Variants in CRB1 observed in about 807,000 individuals in gnomAD.
CRB1 encodes protein crumbs homolog 1.
CRB1 carries 83 observed loss-of-function variants against 120.0 expected under a neutral mutation model. That is an observed-to-expected ratio of 0.69 (90% CI 0.58 to 0.83). The LOEUF is 0.83. Among genes scored for constraint, CRB1 ranks in the 40% least tolerant of loss-of-function variants. The pLI, the probability that CRB1 is intolerant of heterozygous loss-of-function variation, is 0.00. For synonymous variants in CRB1, 625 were observed against 612.5 expected, an observed-to-expected ratio of 1.02 and a Z score of -0.30; for missense variants, 1,699 against 1,687.6, an observed-to-expected ratio of 1.01 and a Z score of -0.12.
Position 197,328,555 on chromosome 1 carries a change from C to T in CRB1, c.204C>T (p.Asp68=). The T allele has an allele frequency of 1.2e-6, 2 of 1,614,198 alleles. No individual in the cohort carries two copies. The highest frequency in any genetic ancestry group is 1.7e-6 in the Non-Finnish European group (2 of 1,180,030). ...DTANNLDKDC[D]NMKDPCFSNP... ...CCAATAATTTGGACAAAGACTGTGA[C>T]AACATGAAAGACCCTTGCTTCTCCA... Residue 68 remains aspartate, a synonymous_variant, in exon 2 of 12, where the codon GAC becomes GAT. Transcript: ENST00000367400.
In CRB1 at chr1:197,402,656, C is replaced by G. The variant is rs140355328; in HGVS notation, c.1172-18344C>G. Among the ~76,000 whole-genome samples, 364 of 152,248 alleles carry G rather than the reference C, an allele frequency of 2.4e-3. 4 individuals carry two copies. The highest frequency in any genetic ancestry group is 8.3e-3 in the African/African-American group (346 of 41,552). On this transcript the variant is annotated intron_variant, in intron 5 of 11. Transcript: ENST00000367400. ...AATTTTAAGGTCTAATTTCTGTTCT[C>G]TAGTCCCTTTATCTCTGGGATAGTT...
chr1:197,309,002 A>T (rs1207665508), intron 1 of CRB1, among the ~76,000 whole-genome samples: 3 of 151,356 alleles, frequency 2.0e-5, no homozygotes, highest in Non-Finnish European at 4.4e-5. Context: ...AGGTATATAT[A>T]AATATACAGT....
chr1:197,364,322 T>C (rs1362096200), intron 5 of CRB1, among the ~76,000 whole-genome samples: 1 of 152,272 alleles, frequency 6.6e-6, no homozygotes, highest in Non-Finnish European at 1.5e-5. Context: ...TTTTTCTTTG[T>C]CTAATTTTCA....
intron 11 of CRB1, among the ~76,000 whole-genome samples, chr1:197,449,213 CA>C (rs1490875708): frequency 6.6e-6 from 1 of 152,090 alleles, no homozygotes; most frequent in Non-Finnish European, 1.5e-5. Flanking sequence ...TGTGATTGGT[CA>C]CCATTTATTG....
At chr1:197,377,977 G>C (rs1661734417) in intron 5 of CRB1, among the ~76,000 whole-genome samples, 1 of 152,170 alleles carries the variant, frequency 6.6e-6, no homozygotes, top group Non-Finnish European at 1.5e-5. Flanking sequence ...TATGTTCTTA[G>C]TTAATTGGCT....
intron 10 of CRB1, chr1:197,439,318 C>G (rs527708745): frequency 6.4e-6 from 1 of 155,824 alleles, no homozygotes; most frequent in South Asian, 2.0e-4. Flanking sequence ...TGAACTGGGG[C>G]TCTATAGAAT....
intron 2 of CRB1, 56 bp downstream of exon 2, chr1:197,329,059 A>G: frequency 6.9e-7 from 1 of 1,449,188 alleles, no homozygotes; most frequent in Non-Finnish European, 9.6e-7. Context: ...TCTAAGTGGC[A>G]GAAGCAGAGG....
the CRB1 span, among the ~76,000 whole-genome samples, chr1:197,208,293 C>A: frequency 6.6e-6 from 1 of 152,094 alleles, no homozygotes; most frequent in Admixed American, 6.5e-5. Context: ...TGTTAAAGAA[C>A]CTTGTTTTGC....
At chr1:197,387,579 T>C (rs1662281726) in intron 5 of CRB1, among the ~76,000 whole-genome samples, 1 of 152,066 alleles carries the variant, frequency 6.6e-6, no homozygotes, top group Non-Finnish European at 1.5e-5. Context: ...TGACTTGACC[T>C]TAGATGTATT....
At chr1:197,453,841 C>A (rs565778936) in intron 11 of CRB1, among the ~76,000 whole-genome samples, 6 of 138,086 alleles carry the variant, frequency 4.3e-5, no homozygotes, top group East Asian at 4.1e-4. Flanking sequence ...AATATATTAT[C>A]AATATTATTA....
chr1:197,325,589 T>A (rs1658448380), intron 1 of CRB1, among the ~76,000 whole-genome samples: 1 of 152,098 alleles, frequency 6.6e-6, no homozygotes, highest in Admixed American at 6.6e-5. Flanking sequence ...ATTACTCAAT[T>A]TTTTTTCAAA....
chr1:197,460,982 A>G (rs918325133), intron 11 of CRB1, among the ~76,000 whole-genome samples: 16 of 152,134 alleles, frequency 1.1e-4, no homozygotes, highest in African/African-American at 3.9e-4. Context: ...CTACGGCCCT[A>G]ATAGGATCCA....
intron 5 of CRB1, among the ~76,000 whole-genome samples, chr1:197,358,991 T>A (rs143118415): frequency 3.3e-5 from 5 of 152,330 alleles, no homozygotes; most frequent in African/African-American, 1.2e-4. Flanking sequence ...GCCTACTATG[T>A]CACATATTTT....
Position 197,327,091 on chromosome 1 carries a change from C to CAAA in CRB1, c.71-1292_71-1290dup, listed in dbSNP as rs71131753. Among the ~76,000 whole-genome samples, 251 of 25,620 alleles carry CAAA rather than the reference C, an allele frequency of 9.8e-3. 28 individuals carry two copies. The highest frequency in any genetic ancestry group is 0.013 in the African/African-American group (66 of 5,076). The allele number at this position is 25,620 out of a possible 152,430, so 16.8% of individuals were successfully genotyped here. ...ATTTAGTGACTTAATTCTCACACAC[C>CAAA]AAAAAAAAAAAAAAAAAAAAAAAAA... is the stretch of plus-strand genomic sequence containing the variant. On this transcript the variant is annotated intron_variant, in intron 1 of 11. Coordinates refer to ENST00000367400, the MANE Select transcript of CRB1 (RefSeq NM_201253.3).
Position 197,427,738 on chromosome 1 carries a change from A to C in CRB1, c.2413A>C (p.Ile805Leu). The change falls in exon 7 of 12, where the codon ATT (isoleucine) becomes CTT (leucine). Residue 805 changes from isoleucine to leucine, a missense_variant. By Grantham distance (5) the Ile-to-Leu change is conservative. Coordinates refer to ENST00000367400, the MANE Select transcript of CRB1 (RefSeq NM_201253.3). ...LISLKIKPYK[I>L]ELYQSSQNLG... Reference sequence around the variant, plus strand: ...ATCTTTGAAAATCAAGCCATATAAAATTGAACTGTATCAGTCTTCACAAAA... The same window carrying C: ...ATCTTTGAAAATCAAGCCATATAAACTTGAACTGTATCAGTCTTCACAAAA... The C allele has an allele frequency of 6.2e-7, 1 of 1,614,016 alleles. No homozygotes were observed. Among genetic ancestry groups the C allele is most frequent in the South Asian group, 1.1e-5 (1 of 91,080 alleles).
chr1:197,349,438 C>T (rs1020721652), intron 4 of CRB1, among the ~76,000 whole-genome samples: 6 of 152,150 alleles, frequency 3.9e-5, no homozygotes, highest in African/African-American at 1.4e-4. Flanking sequence ...CTCCTATCTC[C>T]TCTTGCTTTA....
chr1:197,203,690 A>C, the CRB1 span, among the ~76,000 whole-genome samples: 2 of 152,316 alleles, frequency 1.3e-5, no homozygotes, highest in East Asian at 1.9e-4. Flanking sequence ...AGAATGTATA[A>C]GTTTTGGAAA....
chr1:197,373,931 A>T (rs1418651689), intron 5 of CRB1, among the ~76,000 whole-genome samples: 1 of 152,194 alleles, frequency 6.6e-6, no homozygotes, highest in East Asian at 1.9e-4. Flanking sequence ...AAAATATGTC[A>T]ATATTAGCAA....
At chr1:197,235,294 C>A in the CRB1 span, among the ~76,000 whole-genome samples, 1 of 152,146 alleles carries the variant, frequency 6.6e-6, no homozygotes, top group Non-Finnish European at 1.5e-5. Context: ...AATTAAGCTA[C>A]AACTGTCACC....
Sources: gnomAD v4.1 joint callset for allele counts (sites outside exome capture counted in the v4.1 genomes callset) on GRCh38, gnomAD v4.1.1 for gene constraint, MANE v1.5 for transcripts, NCBI Gene and HGNC (gene_info 2026-07-23, HGNC 2026-07-21) for gene names.